DTNB: variants seen among roughly 807,000 people sequenced by gnomAD.
DTNB encodes the protein DTN-B.
Under a neutral mutation model 90.7 loss-of-function variants are expected in DTNB, and 63 were observed. That is an observed-to-expected ratio of 0.69 (90% CI 0.57 to 0.86). The LOEUF is 0.86. Ranked by LOEUF, DTNB falls within the 40% of genes least tolerant of loss-of-function variation. The probability of loss-of-function intolerance (pLI) is 0.00; values close to 1 mark genes in which losing one functional copy is unlikely to be tolerated. For missense variants in DTNB, 744 were observed against 807.1 expected (o/e 0.92, Z 0.95); for synonymous variants, 277 against 286.7 (o/e 0.97, Z 0.34).
Position 25,525,325 on chromosome 2 carries a change from T to C in DTNB, c.1001+6148A>G, listed in dbSNP as rs571013179. On this transcript the variant is annotated intron_variant, in intron 9 of 20. Transcript: ENST00000406818. ...AGAGGGACACAGGAGACCACAGTTT[T>C]ATCTACAATGTTTTATTCATTTTTT... 3.9e-5 allele frequency among the ~76,000 whole-genome samples: 6 copies of C among 152,292 alleles called. No homozygotes were observed. The East Asian group carries it at 1.2e-3, about 29-fold the overall frequency.
At chr2:25,503,167 CA>C (rs1040537722) in intron 9 of DTNB, among the ~76,000 whole-genome samples, 6 of 142,644 alleles carry the variant, frequency 4.2e-5, no homozygotes, top group Non-Finnish European at 7.5e-5. Flanking sequence ...TGATCTCATA[CA>C]CAGAAAACTC....
intron 6 of DTNB, among the ~76,000 whole-genome samples, chr2:25,591,095 C>A (rs1245165217): frequency 2.0e-5 from 3 of 152,244 alleles, no homozygotes; most frequent in Non-Finnish European, 4.4e-5. Flanking sequence ...CGGCCTCAGC[C>A]TCGCTCTGAC....
At chr2:25,630,986 T>C (rs1214982785) in intron 3 of DTNB, among the ~76,000 whole-genome samples, 2 of 151,960 alleles carry the variant, frequency 1.3e-5, no homozygotes, top group Non-Finnish European at 2.9e-5. Flanking sequence ...TCTATATATA[T>C]GAAATGTCCA....
At chr2:25,527,243 T>A (rs2077347112) in intron 9 of DTNB, among the ~76,000 whole-genome samples, 1 of 151,010 alleles carries the variant, frequency 6.6e-6, no homozygotes, top group South Asian at 2.1e-4. Context: ...AGAAAAGGAG[T>A]CTGGGCACGG....
intron 2 of DTNB, among the ~76,000 whole-genome samples, chr2:25,639,968 C>A (rs930571000): frequency 3.3e-5 from 5 of 152,186 alleles, no homozygotes; most frequent in Admixed American, 1.3e-4. Flanking sequence ...GCGAGCGAGC[C>A]TTCAAATGAT....
intron 1 of DTNB, among the ~76,000 whole-genome samples, chr2:25,669,544 T>C (rs896233228): frequency 8.5e-5 from 13 of 152,164 alleles, no homozygotes; most frequent in African/African-American, 2.7e-4. Flanking sequence ...TTAAATGGTA[T>C]ATACAACCAA....
intron 16 of DTNB, among the ~76,000 whole-genome samples, chr2:25,396,731 TAA>T (rs35592591): frequency 0.011 from 971 of 87,614 alleles, 7 homozygotes; most frequent in Admixed American, 0.018. Context: ...TAAAAGGAAC[TAA>T]AAAAAAAAAA....
At chr2:25,516,407 C>T (rs2075125628) in intron 9 of DTNB, among the ~76,000 whole-genome samples, 1 of 152,022 alleles carries the variant, frequency 6.6e-6, no homozygotes, top group South Asian at 2.1e-4. Flanking sequence ...TCACCCCACC[C>T]CGCTAATTTT....
intron 9 of DTNB, among the ~76,000 whole-genome samples, chr2:25,529,674 C>T (rs1279112440): frequency 4.6e-5 from 7 of 152,040 alleles, no homozygotes; most frequent in South Asian, 2.1e-4. Context: ...GAATGATTTT[C>T]GGTAATCAAT....
intron 1 of DTNB, among the ~76,000 whole-genome samples, chr2:25,672,402 AT>A (rs1371339262): frequency 6.6e-6 from 1 of 152,062 alleles, no homozygotes; most frequent in African/African-American, 2.4e-5. Flanking sequence ...CATTCTGAAG[AT>A]TTAGCAGTCA....
At chr2:25,407,925 T>A (rs2095225229) in intron 16 of DTNB, among the ~76,000 whole-genome samples, 1 of 151,942 alleles carries the variant, frequency 6.6e-6, no homozygotes, top group African/African-American at 2.4e-5. Flanking sequence ...GCTGTTGTAA[T>A]AAAAAAAATA....
chr2:25,451,633 A>G lies in DTNB; in HGVS notation c.1172T>C (p.Val391Ala), dbSNP rs1185034940. ...YVARLQHCARVLDSPSRLDEE... is the reference protein window; with the variant it reads ...YVARLQHCARALDSPSRLDEE... ...ATCCAGTCGGCTAGGACTGTCCAGA[A>G]CACTGCCAAGGAAATAAAAATGCAA... The change falls in exon 12 of 21, where the codon GTT (valine) becomes GCT (alanine). Residue 391 changes from valine (V) to alanine (A), a missense_variant and splice_region_variant. Transcript: ENST00000406818. The G allele has an allele frequency of 1.3e-6, 2 of 1,588,354 alleles. No individual in the cohort carries two copies. Among genetic ancestry groups the G allele is most frequent in the Admixed American group, 1.8e-5 (1 of 56,874 alleles).
At chr2:25,417,123 G>C (rs2048185038) in intron 16 of DTNB, among the ~76,000 whole-genome samples, 1 of 152,180 alleles carries the variant, frequency 6.6e-6, no homozygotes, top group South Asian at 2.1e-4. Flanking sequence ...TCATACCATG[G>C]TGGGGAAAGC....
chr2:25,635,677 A>G (rs2076972122), intron 3 of DTNB, among the ~76,000 whole-genome samples: 2 of 152,214 alleles, frequency 1.3e-5, no homozygotes. Context: ...TATACTTGAA[A>G]AAAGAAATGA....
intron 8 of DTNB, among the ~76,000 whole-genome samples, chr2:25,565,911 T>C (rs1463485216): frequency 6.6e-6 from 1 of 152,138 alleles, no homozygotes; most frequent in Non-Finnish European, 1.5e-5. Context: ...TCAGGGTGAC[T>C]AGTGTAGGCA....
intron 20 of DTNB, among the ~76,000 whole-genome samples, chr2:25,378,974 G>T (rs1311615420): frequency 6.6e-6 from 1 of 152,212 alleles, no homozygotes; most frequent in Non-Finnish European, 1.5e-5. Flanking sequence ...TCCCCAGGGA[G>T]GTGGCCTTGC....
intron 12 of DTNB, among the ~76,000 whole-genome samples, chr2:25,439,814 C>G (rs944256662): frequency 3.9e-5 from 6 of 152,042 alleles, no homozygotes; most frequent in Non-Finnish European, 7.4e-5. Flanking sequence ...GGAGGCAGCA[C>G]AATGCTCTAC....
intron 16 of DTNB, among the ~76,000 whole-genome samples, chr2:25,391,013 C>T (rs761837001): frequency 1.3e-5 from 2 of 151,658 alleles, no homozygotes; most frequent in Admixed American, 6.6e-5. Context: ...TCTCCTGCCT[C>T]AGCCTCTTGA....
In DTNB at chr2:25,650,395, T is replaced by C. The variant is rs2080618265; in HGVS notation, c.67+2199A>G. Among the ~76,000 whole-genome samples, 3 of 152,124 alleles carry C rather than the reference T, an allele frequency of 2.0e-5. No individual in the cohort carries two copies. The South Asian group carries it at 6.2e-4, about 31-fold the overall frequency. The stretch of plus-strand genomic sequence containing the variant: ...AAAGTTGAAAGGAAAAGATGACCCC[T>C]ATGCTGAGTTTTGAAGGGTAGGCAG... On this transcript the variant is annotated intron_variant, in intron 2 of 20. Coordinates refer to ENST00000406818, the MANE Select transcript of DTNB (RefSeq NM_021907.5).
Sources: allele counts gnomAD v4.1 joint callset (sites outside exome capture counted in the v4.1 genomes callset), GRCh38; gene constraint gnomAD v4.1.1; transcripts MANE v1.5; gene names NCBI Gene and HGNC (gene_info 2026-07-23, HGNC 2026-07-21).